Variants in PTPRD observed in about 807,000 individuals in gnomAD.
PTPRD encodes receptor-type tyrosine-protein phosphatase delta.
A neutral mutation model predicts 214.5 loss-of-function variants in PTPRD; 34 were observed. The ratio of observed to expected loss-of-function variants is 0.16; its 90% CI spans 0.12 to 0.21. PTPRD has a LOEUF of 0.21. PTPRD is among the 10% of genes least tolerant of loss of function. The pLI is 1.00. For missense variants in PTPRD, 2,545 were observed against 2,398.7 expected (o/e 1.06, Z -1.27); for synonymous variants, 1,128 against 845.7 (o/e 1.33, Z -5.79).
At chr9:8,427,690 A>ATT (rs199567918) in intron 35 of PTPRD, among the ~76,000 whole-genome samples, 44 of 151,752 alleles carry the variant, frequency 2.9e-4, no homozygotes, top group Admixed American at 5.2e-4. Flanking sequence ...GATTATTATT[A>ATT]TTATTTTTTT....
rs867156871 is a variant in PTPRD, at chr9:9,071,498, G to C, written c.-142-52763C>G. Among the ~76,000 whole-genome samples, 60 of 152,264 alleles carry C rather than the reference G, an allele frequency of 3.9e-4. No homozygotes were observed. The Middle Eastern group carries it at 0.01, about 26-fold the overall frequency. On this transcript the variant is annotated intron_variant, in intron 10 of 45. Coordinates refer to ENST00000381196, the MANE Select transcript of PTPRD (RefSeq NM_002839.4). Reference sequence around the variant, plus strand: ...GCTGGCTTGGTGATGCAAGCAGTCAGGTTGAGGAAGCCTAAGTTGCAGGGA... The same window carrying C: ...GCTGGCTTGGTGATGCAAGCAGTCACGTTGAGGAAGCCTAAGTTGCAGGGA...
chr9:8,321,252 G>A (rs1012856602), intron 44 of PTPRD, among the ~76,000 whole-genome samples: 1 of 151,286 alleles, frequency 6.6e-6, no homozygotes, highest in Non-Finnish European at 1.5e-5. Flanking sequence ...ATCTTACCTT[G>A]CCAGAGTCTA....
intron 7 of PTPRD, among the ~76,000 whole-genome samples, chr9:9,575,717 C>CAAAAAAAAAAAAAAAAAAAAAAAA (rs757614546): frequency 3.0e-4 from 10 of 33,308 alleles, no homozygotes; most frequent in East Asian, 1.3e-3. Context: ...AAGACTGTCT[C>CAAAAAAAAAAAAAAAAAAAAAAAA]AAAAAAAAAA....
chr9:9,091,036 G>T (rs1229951778), intron 10 of PTPRD: 2 of 1,554,430 alleles, frequency 1.3e-6, no homozygotes, highest in Non-Finnish European at 1.8e-6. Flanking sequence ...CATAGTGGAG[G>T]CCGCAGCAGT....
intron 11 of PTPRD, among the ~76,000 whole-genome samples, chr9:8,954,678 T>C (rs1200534106): frequency 6.6e-6 from 1 of 151,872 alleles, no homozygotes; most frequent in East Asian, 1.9e-4. Flanking sequence ...CATATTAGTT[T>C]GTATGCAAAG....
At chr9:9,645,789 T>C (rs930037856) in intron 7 of PTPRD, among the ~76,000 whole-genome samples, 1 of 152,132 alleles carries the variant, frequency 6.6e-6, no homozygotes, top group African/African-American at 2.4e-5. Context: ...TATCTTTATC[T>C]TTCTCCTGAA....
chr9:8,918,499 C>T (rs546461241), intron 11 of PTPRD, among the ~76,000 whole-genome samples: 2 of 152,122 alleles, frequency 1.3e-5, no homozygotes, highest in African/African-American at 4.8e-5. Flanking sequence ...TGATATCAGA[C>T]CAAATAACAG....
chr9:10,162,997 T>C (rs1177940087), intron 3 of PTPRD, among the ~76,000 whole-genome samples: 1 of 150,860 alleles, frequency 6.6e-6, no homozygotes, highest in Non-Finnish European at 1.5e-5. Context: ...TGTATCTATC[T>C]ACTACCTATC....
chr9:8,326,648 C>A (rs967959818), intron 44 of PTPRD, among the ~76,000 whole-genome samples: 1 of 150,508 alleles, frequency 6.6e-6, no homozygotes, highest in African/African-American at 2.5e-5. Flanking sequence ...GGAATGGTAC[C>A]AATTCCTCTT....
At chr9:9,045,272 G>T (rs890148300) in intron 10 of PTPRD, among the ~76,000 whole-genome samples, 2 of 152,072 alleles carry the variant, frequency 1.3e-5, no homozygotes, top group African/African-American at 4.8e-5. Context: ...AGGCTTCAAG[G>T]GTCAGTCATG....
At chr9:9,955,529 T>G (rs924293357) in intron 4 of PTPRD, among the ~76,000 whole-genome samples, 1 of 122,414 alleles carries the variant, frequency 8.2e-6, no homozygotes, top group Non-Finnish European at 1.7e-5. Context: ...TTGTTTTGTT[T>G]TTTTTTTTTT....
chr9:9,036,263 T>G (rs1332920592), intron 10 of PTPRD, among the ~76,000 whole-genome samples: 1 of 148,678 alleles, frequency 6.7e-6, no homozygotes, highest in Non-Finnish European at 1.5e-5. Flanking sequence ...TTCCAGAACA[T>G]TTCCTAAACA....
chr9:8,531,571 T>C lies in PTPRD; in HGVS notation c.353-2792A>G, dbSNP rs570926597. The stretch of plus-strand genomic sequence containing the variant: ...GCTCTTAGATTTTGTTGTTGTTATG[T>C]TCCATTTTTAAAGCAACCAACTTAG... On this transcript the variant is annotated intron_variant, in intron 14 of 45. Coordinates refer to ENST00000381196, the MANE Select transcript of PTPRD (RefSeq NM_002839.4). 5.9e-5 allele frequency among the ~76,000 whole-genome samples: 9 copies of C among 152,242 alleles called. No homozygotes were observed. The South Asian group carries it at 1.9e-3, about 32-fold the overall frequency.
chr9:8,836,808 G>A (rs1043008261), intron 11 of PTPRD, among the ~76,000 whole-genome samples: 1 of 151,460 alleles, frequency 6.6e-6, no homozygotes, highest in East Asian at 2.0e-4. Context: ...ATGTTGGCCA[G>A]GATGGTCTTG....
At chr9:9,043,698 G>A (rs1569497081) in intron 10 of PTPRD, among the ~76,000 whole-genome samples, 1 of 152,046 alleles carries the variant, frequency 6.6e-6, no homozygotes, top group Non-Finnish European at 1.5e-5. Flanking sequence ...GAGGCCAGAT[G>A]TTTGACACCA....
chr9:8,787,227 G>A (rs17660773), intron 11 of PTPRD, among the ~76,000 whole-genome samples: 53,178 of 152,036 alleles, frequency 0.35, 11,502 homozygotes, highest in Middle Eastern at 0.51. Context: ...AGACACTCAT[G>A]CTGCTTAAGC....
At chr9:9,699,566 T>C (rs1406097529) in intron 7 of PTPRD, among the ~76,000 whole-genome samples, 2 of 152,150 alleles carry the variant, frequency 1.3e-5, no homozygotes, top group Non-Finnish European at 2.9e-5. Flanking sequence ...GAACAGTTTT[T>C]ACCCCCCCAA....
At chr9:9,751,208 A>C (rs2098515601) in intron 6 of PTPRD, among the ~76,000 whole-genome samples, 2 of 151,972 alleles carry the variant, frequency 1.3e-5, no homozygotes, top group Non-Finnish European at 2.9e-5. Context: ...GTATCCCATT[A>C]TTAGACTTCC....
chr9:10,554,022 A>G (rs1243939984), intron 2 of PTPRD, among the ~76,000 whole-genome samples: 1 of 152,140 alleles, frequency 6.6e-6, no homozygotes, highest in Non-Finnish European at 1.5e-5. Flanking sequence ...AGTGTGGGAA[A>G]CATGTTTGAC....
Sources: gnomAD v4.1 joint callset for allele counts (sites outside exome capture counted in the v4.1 genomes callset) on GRCh38, gnomAD v4.1.1 for gene constraint, MANE v1.5 for transcripts, NCBI Gene and HGNC (gene_info 2026-07-23, HGNC 2026-07-21) for gene names.